Variants in IFI44 observed in about 807,000 individuals in gnomAD.
IFI44 encodes the protein interferon induced protein 44, also known as interferon-induced protein 44.
In IFI44, 42 loss-of-function variants were observed where a neutral mutation model predicts 45.0. The ratio of observed to expected loss-of-function variants is 0.93; its 90% CI spans 0.73 to 1.21. The LOEUF (loss-of-function observed/expected upper bound fraction) is 1.21. IFI44 is among the 50% of genes most tolerant of loss of function. IFI44 has a pLI of 0.00. For synonymous variants in IFI44, 221 were observed against 188.6 expected (o/e 1.17, Z -1.41); for missense variants, 623 against 525.8 (o/e 1.18, Z -1.81).
chr1:78,650,737 G>A, intron 2 of IFI44, 85 bp downstream of exon 2: 2 of 915,778 alleles, frequency 2.2e-6, no homozygotes, highest in Admixed American at 2.7e-5. Context: ...AAGGAAAAAT[G>A]AACTTTTCAC....
chr1:78,657,634 A>G (rs1007701399), intron 5 of IFI44, among the ~76,000 whole-genome samples: 1 of 152,148 alleles, frequency 6.6e-6, no homozygotes, highest in Non-Finnish European at 1.5e-5. Flanking sequence ...AAGGAAGCTT[A>G]CCCTCATCCA....
chr1:78,656,488 G>C (rs920249933), intron 5 of IFI44, among the ~76,000 whole-genome samples: 1 of 151,950 alleles, frequency 6.6e-6, no homozygotes, highest in African/African-American at 2.4e-5. Context: ...TTGATGTAGT[G>C]ATCTATTATT....
chr1:78,662,714 T>A lies in IFI44; in HGVS notation c.1124T>A (p.Val375Asp), dbSNP rs1166266477. 2 of 1,613,034 alleles carry A rather than the reference T, an allele frequency of 1.2e-6. No individual in the cohort carries two copies. Among genetic ancestry groups the A allele is most frequent in the Non-Finnish European group, 1.7e-6 (2 of 1,179,434 alleles). The change falls in exon 8 of 9, where the codon GTC (valine) becomes GAC (aspartate). Residue 375 changes from valine (V) to aspartate (D), a missense_variant. Physicochemically the swap from Val to Asp is radical, Grantham distance 152 (BLOSUM62 -3). Transcript: ENST00000370747. ...CEPVRSKLEE[V>D]QRKLGFALSD... Reference sequence around the variant, plus strand: ...ATTTCTGTATTGCAGCTAGAGGAAGTCCAAAGAAAACTTGGATTTGCTCTT... The same window carrying A: ...ATTTCTGTATTGCAGCTAGAGGAAGACCAAAGAAAACTTGGATTTGCTCTT...
chr1:78,650,803 A>C (rs2100428273), intron 2 of IFI44, 151 bp downstream of exon 2: 2 of 578,868 alleles, frequency 3.5e-6, no homozygotes, highest in East Asian at 5.7e-5. Context: ...GTTTGCTAAG[A>C]GACAACCATG....
In IFI44 at chr1:78,655,444, A is replaced by G. The variant is rs1647191781; in HGVS notation, c.773A>G (p.Lys258Arg). 6.2e-7 allele frequency: 1 copy of G among 1,613,846 alleles called. No individual in the cohort carries two copies. The highest frequency in any genetic ancestry group is 1.3e-5 in the African/African-American group (1 of 74,912). The change falls in exon 5 of 9, where the codon AAA becomes AGA. Residue 258 changes from lysine (K) to arginine (R), a missense_variant. By Grantham distance (26) the Lys-to-Arg change is conservative. Coordinates refer to ENST00000370747, the MANE Select transcript of IFI44 (RefSeq NM_006417.5). ...ILCDSLGLSE[K>R]EGGLCRDDIF... Reference sequence around the variant, plus strand: ...TGTGACTCACTGGGGCTGAGTGAGAAAGAAGGCGGCCTGTGCAGGGATGAC... The same window carrying G: ...TGTGACTCACTGGGGCTGAGTGAGAGAGAAGGCGGCCTGTGCAGGGATGAC...
intron 7 of IFI44, among the ~76,000 whole-genome samples, chr1:78,660,950 G>T (rs1193852502): frequency 6.6e-6 from 1 of 152,040 alleles, no homozygotes; most frequent in African/African-American, 2.4e-5. Flanking sequence ...ATAATATCTA[G>T]ATTACTTATA....
At chr1:78,660,405 T>C (rs1647379844) in intron 6 of IFI44, 149 bp from the exon 7 acceptor site, 5 of 576,240 alleles carry the variant, frequency 8.7e-6, no homozygotes, top group Non-Finnish European at 1.2e-5. Flanking sequence ...TCCAGGGGAG[T>C]TTTTTGGGGA....
At chr1:78,663,640 C>T (rs1280229064) in intron 8 of IFI44, 125 bp from the exon 9 acceptor site, 1 of 1,417,022 alleles carries the variant, frequency 7.1e-7, no homozygotes, top group East Asian at 2.6e-5. Context: ...CCCTTCTCTT[C>T]CTCATGGTAC....
chr1:78,653,507 C>T (rs1263954189), intron 2 of IFI44, among the ~76,000 whole-genome samples: 1 of 152,166 alleles, frequency 6.6e-6, no homozygotes, highest in Non-Finnish European at 1.5e-5. Context: ...AAATGTTCCA[C>T]ATGATATTCT....
chr1:78,657,953 A>G (rs1440223186), intron 5 of IFI44, among the ~76,000 whole-genome samples: 1 of 152,028 alleles, frequency 6.6e-6, no homozygotes, highest in African/African-American at 2.4e-5. Flanking sequence ...TATTCTTGCC[A>G]CAGCTTTTGA....
chr1:78,655,360 A>C lies in IFI44; in HGVS notation c.691-2A>C. On this transcript the variant is annotated splice_acceptor_variant, in intron 4 of 8. Transcript: ENST00000370747. LOFTEE classifies it high-confidence loss of function. ...TTAAAATTGCTTTTCTCCCCTCTAC[A>C]GTATAGGACATACTCTATTAGAGAC... is the stretch of plus-strand genomic sequence containing the variant. 2.1e-5 allele frequency: 33 copies of C among 1,597,726 alleles called. No homozygotes were observed. Among genetic ancestry groups the C allele is most frequent in the Non-Finnish European group, 2.8e-5 (33 of 1,175,038 alleles).
At chr1:78,662,650 A>G in intron 7 of IFI44, 54 bp from the exon 8 acceptor site, 1 of 1,376,332 alleles carries the variant, frequency 7.3e-7, no homozygotes, top group East Asian at 2.3e-5. Context: ...TTATACTAAC[A>G]TAAAATAATA....
intron 2 of IFI44, among the ~76,000 whole-genome samples, chr1:78,653,631 T>C (rs985873599): frequency 2.6e-5 from 4 of 152,198 alleles, no homozygotes; most frequent in Non-Finnish European, 4.4e-5. Context: ...GCCTTATTGA[T>C]CTGAATGAAA....
chr1:78,661,635 G>A (rs1647464239), intron 7 of IFI44, among the ~76,000 whole-genome samples: 2 of 152,010 alleles, frequency 1.3e-5, no homozygotes, highest in African/African-American at 4.8e-5. Flanking sequence ...ATGGGAGTGT[G>A]GGATAAGAAA....
chr1:78,649,845 C>G lies in IFI44; in HGVS notation c.-71C>G, dbSNP rs1453879571. On this transcript the variant is annotated 5_prime_UTR_variant, in exon 1 of 9. Transcript: ENST00000370747. ...TTTCCTTCTCCCATTTTGTGCCTGC[C>G]TAGCTATCCAGACAGAGCAGCTACC... is the stretch of plus-strand genomic sequence containing the variant. The G allele has an allele frequency of 6.2e-6, 1 of 160,582 alleles. No individual in the cohort carries two copies. The highest frequency in any genetic ancestry group is 1.4e-5 in the Non-Finnish European group (1 of 73,740). The allele number at this position is 160,582 out of a possible 1,614,324, so 9.9% of individuals were successfully genotyped here. A position where few individuals can be genotyped will look rare whatever the true frequency, so the allele number is the denominator to read the frequency against.
intron 6 of IFI44, 37 bp from the exon 7 acceptor site, chr1:78,660,517 C>T (rs371773099): frequency 3.6e-6 from 5 of 1,382,936 alleles, no homozygotes; most frequent in Admixed American, 1.8e-5. Context: ...AATACTGATG[C>T]TCTCTAAAAT....
chr1:78,655,151 A>G lies in IFI44; in HGVS notation c.632A>G (p.Gln211Arg), dbSNP rs368704031. The G allele has an allele frequency of 6.2e-7, 1 of 1,613,836 alleles. No individual in the cohort carries two copies. The highest frequency in any genetic ancestry group is 1.3e-5 in the African/African-American group (1 of 74,912). Residue 211 changes from glutamine (Q) to arginine (R), a missense_variant, in exon 4 of 9, where the codon CAA (glutamine) becomes CGA (arginine). Transcript: ENST00000370747. ...SFFNSVRSVF[Q>R]GHVTHQALVG... ...TTCAACTCAGTGAGGTCTGTTTTCC[A>G]AGGGCATGTAACGCATCAGGCTTTG...
At chr1:78,661,083 T>G (rs1374141487) in intron 7 of IFI44, among the ~76,000 whole-genome samples, 1 of 152,152 alleles carries the variant, frequency 6.6e-6, no homozygotes, top group East Asian at 1.9e-4. Flanking sequence ...ATTTATTTTT[T>G]TGAGATGAAG....
chr1:78,662,648 A>G (rs1009744080), intron 7 of IFI44, 56 bp from the exon 8 acceptor site: 53 of 1,351,944 alleles, frequency 3.9e-5, no homozygotes, highest in Non-Finnish European at 5.1e-5. Context: ...ATTTATACTA[A>G]CATAAAATAA....
Sources: gnomAD v4.1 joint callset for allele counts (sites outside exome capture counted in the v4.1 genomes callset) on GRCh38, gnomAD v4.1.1 for gene constraint, MANE v1.5 for transcripts, NCBI Gene and HGNC (gene_info 2026-07-23, HGNC 2026-07-21) for gene names.